Variants in MYH10 observed in about 807,000 individuals in gnomAD.
The protein encoded by MYH10 is myosin heavy chain 10.
In MYH10, 55 loss-of-function variants were observed where a neutral mutation model predicts 257.8. The ratio of observed to expected loss-of-function variants is 0.21; its 90% CI spans 0.17 to 0.27. The LOEUF (loss-of-function observed/expected upper bound fraction) is 0.27, where lower values mean the gene tolerates loss of function less well. Among genes scored for constraint, MYH10 ranks in the 10% least tolerant of loss-of-function variants. The probability of loss-of-function intolerance (pLI) is 1.00; values close to 1 mark genes in which losing one functional copy is unlikely to be tolerated. For missense variants in MYH10, 1,631 were observed against 2,500.6 expected (o/e 0.65, Z 7.42); for synonymous variants, 854 against 921.7 (o/e 0.93, Z 1.33).
At chr17:8,611,065 C>T (rs1244604690) in intron 2 of MYH10, among the ~76,000 whole-genome samples, 2 of 152,188 alleles carry the variant, frequency 1.3e-5, no homozygotes, top group Non-Finnish European at 2.9e-5. Context: ...GCAGAGCTTT[C>T]AGCAGCACAA....
chr17:8,625,900 C>T (rs535381665), intron 1 of MYH10, among the ~76,000 whole-genome samples: 2 of 152,178 alleles, frequency 1.3e-5, no homozygotes, highest in South Asian at 4.2e-4. Context: ...GCCACTGCTA[C>T]CAGCAGGTAT....
chr17:8,559,137 C>T (rs766241756), intron 7 of MYH10, among the ~76,000 whole-genome samples: 3 of 152,122 alleles, frequency 2.0e-5, no homozygotes, highest in Non-Finnish European at 2.9e-5. Flanking sequence ...TAGGCTATCA[C>T]CTGGAGACTC....
chr17:8,538,170 C>T (rs1812995387), intron 14 of MYH10, among the ~76,000 whole-genome samples: 1 of 152,186 alleles, frequency 6.6e-6, no homozygotes, highest in Non-Finnish European at 1.5e-5. Context: ...ATCATAAACT[C>T]TCATGGGGTT....
intron 1 of MYH10, among the ~76,000 whole-genome samples, chr17:8,625,890 G>A (rs1321163944): frequency 2.0e-5 from 3 of 152,138 alleles, no homozygotes; most frequent in Admixed American, 6.5e-5. Flanking sequence ...GCCATGGTGC[G>A]CCACTGCTAC....
chr17:8,520,845 T>A, intron 19 of MYH10, 33 bp downstream of exon 19: 5 of 1,575,092 alleles, frequency 3.2e-6, no homozygotes, highest in Non-Finnish European at 4.3e-6. Flanking sequence ...TAAACTCTGA[T>A]ACATAAGCAA....
chr17:8,549,785 C>A lies in MYH10; in HGVS notation c.920-998G>T, dbSNP rs1254189764. ...ACTGTGCTGCTGCCATCTCGGCTCG[C>A]TGCAGCCTCCCTGCCTGATTCTCCT... On this transcript the variant is annotated intron_variant, in intron 9 of 42. Transcript: ENST00000360416. Among the ~76,000 whole-genome samples the A allele has an allele frequency of 7.2e-5, 11 of 152,048 alleles. No homozygotes were observed. In the East Asian group the frequency reaches 2.1e-3, roughly 30 times the overall value.
intron 3 of MYH10, among the ~76,000 whole-genome samples, chr17:8,595,920 G>A (rs2084352497): frequency 2.0e-5 from 3 of 152,054 alleles, no homozygotes; most frequent in Admixed American, 2.0e-4. Context: ...CTTTGTCCTT[G>A]TTTTGGCTTT....
At chr17:8,593,118 G>T (rs147093076) in intron 3 of MYH10, among the ~76,000 whole-genome samples, 1 of 151,014 alleles carries the variant, frequency 6.6e-6, no homozygotes, top group Admixed American at 6.6e-5. Flanking sequence ...GTAAAAAAGC[G>T]TTTGACAAAA....
intron 13 of MYH10, among the ~76,000 whole-genome samples, chr17:8,543,320 G>T (rs562118183): frequency 6.6e-6 from 1 of 152,258 alleles, no homozygotes; most frequent in East Asian, 1.9e-4. Context: ...GGCAGGGGCA[G>T]TGCTTGCCTT....
At chr17:8,513,517 T>C in intron 23 of MYH10, 21 bp downstream of exon 23, 11 of 1,612,574 alleles carry the variant, frequency 6.8e-6, no homozygotes, top group Non-Finnish European at 9.3e-6. Flanking sequence ...CAAGTGTGAG[T>C]TACAAGGTCA....
At position 8,548,714 on chromosome 17, in the gene MYH10, T is replaced by C. The variant is rs2082524277; in HGVS notation, c.993A>G (p.Gln331=). 1 of 1,613,932 alleles carries C rather than the reference T, an allele frequency of 6.2e-7. No individual in the cohort carries two copies. Among genetic ancestry groups the C allele is most frequent in the Non-Finnish European group, 8.5e-7 (1 of 1,179,910 alleles). ...SNGYIPIPGQ[Q]DKDNFQETME... is the part of the protein sequence containing the mutation. ...TGGTCTCCTGGAAATTATCTTTGTC[T>C]TGCTGTCCCGGAATAGGAATATAGC... Residue 331 remains glutamine (Q), a synonymous_variant, in exon 10 of 43, where the codon CAA becomes CAG. Coordinates refer to ENST00000360416, the MANE Select transcript of MYH10 (RefSeq NM_001256012.3).
At chr17:8,527,314 T>C (rs1310178897) in intron 17 of MYH10, among the ~76,000 whole-genome samples, 3 of 152,166 alleles carry the variant, frequency 2.0e-5, no homozygotes, top group Admixed American at 2.0e-4. Context: ...GCAATCTTCT[T>C]TATCCCAAGC....
rs778580289 is a variant in MYH10, at chr17:8,604,843, T to C, written c.485A>G (p.Tyr162Cys). ...CCAATTACCTTGAAGCATGCATCTG[T>C]AAGCAGATTCAGATATAGCATAGAT... Reference protein sequence around the residue: ...PHIYAISESAYRCMLQDREDQ... With the variant: ...PHIYAISESACRCMLQDREDQ... The change falls in exon 3 of 43, where the codon TAC (tyrosine) becomes TGC (cysteine). Residue 162 changes from tyrosine to cysteine, a missense_variant. Around this residue, in one of 11 missense-constraint regions of MYH10, gnomAD observed 360 missense variants for 581.9 expected, o/e 0.62. Coordinates refer to ENST00000360416, the MANE Select transcript of MYH10 (RefSeq NM_001256012.3). 2 of 1,569,988 alleles carry C rather than the reference T, an allele frequency of 1.3e-6. No homozygotes were observed. The highest frequency in any genetic ancestry group is 1.7e-6 in the Non-Finnish European group (2 of 1,158,872).
intron 28 of MYH10, among the ~76,000 whole-genome samples, chr17:8,501,316 C>T (rs79244829): frequency 3.3e-4 from 50 of 152,212 alleles, no homozygotes; most frequent in African/African-American, 1.1e-3. Flanking sequence ...AACAAACAAC[C>T]AGTGCAACTT....
chr17:8,626,305 C>T (rs1405294082), intron 1 of MYH10, among the ~76,000 whole-genome samples: 2 of 152,096 alleles, frequency 1.3e-5, no homozygotes, highest in East Asian at 3.9e-4. Context: ...GTGGCTCACG[C>T]CTGTAATCCC....
chr17:8,558,171 C>T lies in MYH10; in HGVS notation c.757-4153G>A, dbSNP rs1294870755. ...TTTGTTTTAATAGGAGAAAAATTTT[C>T]CCTTCTTTGAGATAGGCTAAACAAA... On this transcript the variant is annotated intron_variant, in intron 7 of 42. Coordinates refer to ENST00000360416, the MANE Select transcript of MYH10 (RefSeq NM_001256012.3). 2.6e-5 allele frequency among the ~76,000 whole-genome samples: 4 copies of T among 152,070 alleles called. No individual in the cohort carries two copies. The East Asian group carries it at 7.7e-4, about 29-fold the overall frequency.
chr17:8,508,826 C>T (rs1374853229), intron 25 of MYH10, 149 bp from the exon 26 acceptor site: 1 of 842,808 alleles, frequency 1.2e-6, no homozygotes, highest in Non-Finnish European at 1.8e-6. Flanking sequence ...TCACATGCTG[C>T]AGAACGATGT....
intron 1 of MYH10, among the ~76,000 whole-genome samples, chr17:8,627,008 C>T (rs1323165888): frequency 6.6e-6 from 1 of 152,114 alleles, no homozygotes; most frequent in Non-Finnish European, 1.5e-5. Context: ...GGACATCTTA[C>T]ATATTATCAG....
At chr17:8,604,270 C>T (rs995094476) in intron 3 of MYH10, among the ~76,000 whole-genome samples, 10 of 152,194 alleles carry the variant, frequency 6.6e-5, no homozygotes, top group Middle Eastern at 6.8e-3. Flanking sequence ...CACTACATTC[C>T]GGTCTTTTAA....
Sources: allele counts gnomAD v4.1 joint callset (sites outside exome capture counted in the v4.1 genomes callset), GRCh38; gene constraint gnomAD v4.1.1; regional missense constraint gnomAD v4.1.1; transcripts MANE v1.5; gene names NCBI Gene and HGNC (gene_info 2026-07-23, HGNC 2026-07-21).